Variants in GRM5 observed in about 807,000 individuals in gnomAD.
GRM5 encodes glutamate metabotropic receptor 5.
A neutral mutation model predicts 83.1 loss-of-function variants in GRM5; 19 were observed. That is an observed-to-expected ratio of 0.23 (90% CI 0.16 to 0.34). The LOEUF (loss-of-function observed/expected upper bound fraction) is 0.34. Ranked by LOEUF, GRM5 falls within the 10% of genes least tolerant of loss-of-function variation. The pLI, the probability that GRM5 is intolerant of heterozygous loss-of-function variation, is 1.00. For missense variants in GRM5, 1,160 were observed against 1,588.3 expected (o/e 0.73, Z 4.58); for synonymous variants, 675 against 633.6 (o/e 1.07, Z -0.98).
chr11:88,800,991 A>G (rs1943382275), intron 3 of GRM5, among the ~76,000 whole-genome samples: 1 of 152,166 alleles, frequency 6.6e-6, no homozygotes, highest in Non-Finnish European at 1.5e-5. Flanking sequence ...TAAAATATAT[A>G]GGATTGTTTC....
intron 2 of GRM5, among the ~76,000 whole-genome samples, chr11:88,963,643 G>A (rs1938853184): frequency 6.6e-6 from 1 of 152,168 alleles, no homozygotes; most frequent in African/African-American, 2.4e-5. Flanking sequence ...ACCTCTTCTA[G>A]CTTTGGCTTT....
At chr11:88,943,298 A>T (rs1310357544) in intron 2 of GRM5, among the ~76,000 whole-genome samples, 2 of 152,052 alleles carry the variant, frequency 1.3e-5, no homozygotes, top group African/African-American at 2.4e-5. Flanking sequence ...TTCTCCAGAC[A>T]TCTAGAAATC....
At chr11:88,537,099 A>T (rs1291276695) in intron 8 of GRM5, among the ~76,000 whole-genome samples, 2 of 152,068 alleles carry the variant, frequency 1.3e-5, no homozygotes, top group Non-Finnish European at 2.9e-5. Context: ...CTTTTTCTTT[A>T]TTTCATGCTT....
intron 9 of GRM5, among the ~76,000 whole-genome samples, chr11:88,513,772 C>T (rs1222089631): frequency 6.6e-6 from 1 of 151,980 alleles, no homozygotes; most frequent in Admixed American, 6.5e-5. Flanking sequence ...AAATAAACCT[C>T]CCTTGCCCAC....
At chr11:88,890,225 C>T (rs558989648) in intron 2 of GRM5, among the ~76,000 whole-genome samples, 2 of 152,128 alleles carry the variant, frequency 1.3e-5, no homozygotes, top group South Asian at 2.1e-4. Context: ...AGAAGCAATG[C>T]ACTGTTTTCT....
intron 8 of GRM5, among the ~76,000 whole-genome samples, chr11:88,526,716 G>A (rs895312354): frequency 1.9e-4 from 28 of 149,954 alleles, no homozygotes; most frequent in South Asian, 8.4e-4. Flanking sequence ...TGGGGCAGAG[G>A]CCTTCCTCTT....
chr11:88,726,760 T>C (rs1426388188), intron 3 of GRM5, among the ~76,000 whole-genome samples: 1 of 139,476 alleles, frequency 7.2e-6, no homozygotes, highest in African/African-American at 2.5e-5. Context: ...AAAATAATTG[T>C]CAACCCAGAA....
chr11:88,992,859 G>A (rs1045856209), intron 2 of GRM5, among the ~76,000 whole-genome samples: 6 of 139,002 alleles, frequency 4.3e-5, no homozygotes, highest in African/African-American at 1.6e-4. Context: ...ACACACCGGG[G>A]CCTGTCGTGG....
At chr11:88,616,806 A>G (rs528044688) in intron 4 of GRM5, among the ~76,000 whole-genome samples, 34 of 152,298 alleles carry the variant, frequency 2.2e-4, no homozygotes, top group Non-Finnish European at 2.5e-4. Flanking sequence ...GCCTGTTTAC[A>G]TAACTATCTC....
chr11:88,559,636 G>T (rs1942708837), intron 8 of GRM5, among the ~76,000 whole-genome samples: 1 of 152,142 alleles, frequency 6.6e-6, no homozygotes, highest in African/African-American at 2.4e-5. Context: ...CTTGTTCACT[G>T]GCAAATGCCA....
chr11:88,934,888 C>T (rs1937842205), intron 2 of GRM5, among the ~76,000 whole-genome samples: 1 of 151,820 alleles, frequency 6.6e-6, no homozygotes, highest in Admixed American at 6.6e-5. Context: ...TAGAAACAGG[C>T]CGTCAATAGA....
At chr11:88,562,620 ACTT>A (rs1210646669) in intron 8 of GRM5, among the ~76,000 whole-genome samples, 1 of 151,720 alleles carries the variant, frequency 6.6e-6, no homozygotes, top group Non-Finnish European at 1.5e-5. Flanking sequence ...TTTGTGCTCC[ACTT>A]CTTCTTACTT....
At chr11:88,529,510 G>GTATA (rs1379118010) in intron 8 of GRM5, among the ~76,000 whole-genome samples, 1 of 151,832 alleles carries the variant, frequency 6.6e-6, no homozygotes, top group Non-Finnish European at 1.5e-5. Flanking sequence ...ATTGTAAGAA[G>GTATA]TATAAAATAG....
chr11:88,774,867 T>C (rs988017424), intron 3 of GRM5, among the ~76,000 whole-genome samples: 4 of 152,224 alleles, frequency 2.6e-5, no homozygotes, highest in African/African-American at 9.6e-5. Context: ...TTGAGGATTT[T>C]TGCATTGATG....
At chr11:88,615,809 G>C (rs1038119199) in intron 4 of GRM5, among the ~76,000 whole-genome samples, 3 of 151,944 alleles carry the variant, frequency 2.0e-5, no homozygotes, top group Non-Finnish European at 4.4e-5. Context: ...TTGGTAAATT[G>C]GGGAATTTTC....
At chr11:88,656,101 C>T (rs919135665) in intron 3 of GRM5, among the ~76,000 whole-genome samples, 1 of 151,756 alleles carries the variant, frequency 6.6e-6, no homozygotes, top group Non-Finnish European at 1.5e-5. Flanking sequence ...CCACCTAATG[C>T]TTTCTATTAC....
chr11:88,674,411 C>T (rs1445336439), intron 3 of GRM5, among the ~76,000 whole-genome samples: 1 of 151,944 alleles, frequency 6.6e-6, no homozygotes, highest in African/African-American at 2.4e-5. Flanking sequence ...ATTACTTCTA[C>T]ATATCTATCT....
intron 4 of GRM5, among the ~76,000 whole-genome samples, chr11:88,620,170 A>G (rs769065800): frequency 3.3e-5 from 5 of 152,204 alleles, no homozygotes; most frequent in Non-Finnish European, 5.9e-5. Flanking sequence ...AGAATTATCT[A>G]TGTGCTTGTC....
chr11:88,518,277 C>G (rs1164756913), intron 9 of GRM5, among the ~76,000 whole-genome samples: 4 of 151,834 alleles, frequency 2.6e-5, no homozygotes, highest in Non-Finnish European at 5.9e-5. Context: ...TTTAATAAAG[C>G]TAGTAAATTT....
Sources: gnomAD v4.1 joint callset for allele counts (sites outside exome capture counted in the v4.1 genomes callset) on GRCh38, gnomAD v4.1.1 for gene constraint, MANE v1.5 for transcripts, NCBI Gene and HGNC (gene_info 2026-07-23, HGNC 2026-07-21) for gene names.